The following GCNT1 variants were observed in gnomAD, a reference collection of about 807,000 sequenced individuals.
GCNT1 encodes the protein beta-1,3-galactosyl-O-glycosyl-glycoprotein beta-1,6-N-acetylglucosaminyltransferase.
In GCNT1, 16 loss-of-function variants were observed where a neutral mutation model predicts 26.2. The observed-to-expected ratio is 0.61, with a 90% confidence interval of 0.41 to 0.93. GCNT1 has a LOEUF of 0.93. Among genes scored for constraint, GCNT1 ranks in the 40% least tolerant of loss-of-function variants. The pLI, the probability that GCNT1 is intolerant of heterozygous loss-of-function variation, is 0.00. For synonymous variants in GCNT1, 183 were observed against 190.8 expected (o/e 0.96, Z 0.34); for missense variants, 477 against 526.7 (o/e 0.91, Z 0.92).
chr9:76,413,672 T>G, the GCNT1 span, among the ~76,000 whole-genome samples: 6 of 70,682 alleles, frequency 8.5e-5, no homozygotes, highest in East Asian at 4.1e-4. Context: ...TTTTTTGTTT[T>G]TTTTTTTTTT....
At chr9:76,405,288 A>AACACACACACAC in the GCNT1 span, among the ~76,000 whole-genome samples, 1,326 of 149,740 alleles carry the variant, frequency 8.9e-3, 13 homozygotes, top group Admixed American at 0.014. Context: ...CCTGACCTTC[A>AACACACACACAC]ACACACACAC....
At chr9:76,457,404 G>A (rs560658831), upstream of GCNT1, among the ~76,000 whole-genome samples, 17 of 152,096 alleles carry the variant, frequency 1.1e-4, no homozygotes, top group South Asian at 3.3e-3. Context: ...ACACGCCACC[G>A]CAGCTGGCTA....
chr9:76,490,668 A>G (rs1376495235), intron 2 of GCNT1, among the ~76,000 whole-genome samples: 1 of 152,240 alleles, frequency 6.6e-6, no homozygotes, highest in Admixed American at 6.5e-5. Context: ...ATTGGTATAG[A>G]TGGCTCCTTC....
chr9:76,471,429 A>T (rs1254356997), intron 2 of GCNT1, among the ~76,000 whole-genome samples: 1 of 152,138 alleles, frequency 6.6e-6, no homozygotes, highest in Non-Finnish European at 1.5e-5. Flanking sequence ...GCTCCCAGGA[A>T]TGTGCTCCTG....
the GCNT1 span, among the ~76,000 whole-genome samples, chr9:76,395,265 A>G: frequency 6.6e-6 from 1 of 150,998 alleles, no homozygotes; most frequent in Non-Finnish European, 1.5e-5. Flanking sequence ...TCGAAGACAA[A>G]GAAGTTTTTT....
chr9:76,463,977 CTTGAGGCCAGGACT>C (rs1823937549), intron 2 of GCNT1, among the ~76,000 whole-genome samples: 2 of 151,326 alleles, frequency 1.3e-5, no homozygotes, highest in South Asian at 4.2e-4. Context: ...GGGAGAATCG[CTTGAGGCCAGGACT>C]TTGAGACCAG....
chr9:76,478,253 C>T (rs1339477993), intron 2 of GCNT1, among the ~76,000 whole-genome samples: 4 of 152,202 alleles, frequency 2.6e-5, no homozygotes, highest in Non-Finnish European at 5.9e-5. Context: ...TTTGCGTCCG[C>T]ACTACCTTTA....
At chr9:76,434,494 C>T (rs530770174) in intron 1 of GCNT1, among the ~76,000 whole-genome samples, 15 of 152,264 alleles carry the variant, frequency 9.9e-5, no homozygotes, top group South Asian at 8.3e-4. Flanking sequence ...TTGTAAGCTG[C>T]GGATGTATGT....
chr9:76,464,995 A>T (rs1388277621), intron 2 of GCNT1, among the ~76,000 whole-genome samples: 2 of 151,590 alleles, frequency 1.3e-5, no homozygotes, highest in African/African-American at 4.8e-5. Context: ...TTTGTTTTTG[A>T]GACAGTCTTG....
At chr9:76,396,495 AAAAG>A in the GCNT1 span, among the ~76,000 whole-genome samples, 1 of 152,120 alleles carries the variant, frequency 6.6e-6, no homozygotes, top group Non-Finnish European at 1.5e-5. Context: ...AACAAGAAAA[AAAAG>A]AAGAAAGGGG....
At chr9:76,399,706 C>T in the GCNT1 span, 2 of 626,092 alleles carry the variant, frequency 3.2e-6, no homozygotes, top group East Asian at 2.7e-5. Context: ...ACCCCTACTC[C>T]CACTGAATGC....
At chr9:76,414,612 G>A in the GCNT1 span, among the ~76,000 whole-genome samples, 1 of 152,212 alleles carries the variant, frequency 6.6e-6, no homozygotes, top group African/African-American at 2.4e-5. Context: ...AAAGGATGAA[G>A]AGTTTCAGAA....
rs1825253935 is a variant in GCNT1, at chr9:76,506,932, C to G, written c.*3264C>G. On this transcript the variant is annotated 3_prime_UTR_variant, in exon 4 of 4. Transcript: ENST00000376730. ...TAATTTCTCATATTAAATACAGACG[C>G]TCCTCAACTTATGATGTGGGTAGGT... 6.0e-6 allele frequency: 1 copy of G among 167,010 alleles called. No individual in the cohort carries two copies. 10.3% of individuals were successfully genotyped at this position (167,010 alleles called of 1,614,324 possible). A position where few individuals can be genotyped will look rare whatever the true frequency, so the allele number is the denominator to read the frequency against.
chr9:76,471,716 G>A (rs1824136862), intron 2 of GCNT1, among the ~76,000 whole-genome samples: 1 of 152,180 alleles, frequency 6.6e-6, no homozygotes, highest in Non-Finnish European at 1.5e-5. Flanking sequence ...TGTCCTCTGT[G>A]CTGTATTCTC....
rs762492820 is a variant in GCNT1, at chr9:76,460,045, CT to C, written c.-407-11del. The C allele has an allele frequency of 6.6e-6, 1 of 152,210 alleles. No individual in the cohort carries two copies. Among genetic ancestry groups the C allele is most frequent in the Admixed American group, 6.5e-5 (1 of 15,280 alleles). The allele number at this position is 152,210 out of a possible 1,614,324, so 9.4% of individuals were successfully genotyped here. A position where few individuals can be genotyped will look rare whatever the true frequency, so the allele number is the denominator to read the frequency against. ...TGGAAGAAGCCCTTGCTCACTGCTT[CT>C]TTTCTCCTGGCAGCGCTTTCTGCGC... On this transcript the variant is annotated splice_polypyrimidine_tract_variant and intron_variant, in intron 1 of 3. Transcript: ENST00000376730.
At chr9:76,467,523 A>G (rs566262312) in intron 2 of GCNT1, among the ~76,000 whole-genome samples, 5 of 152,084 alleles carry the variant, frequency 3.3e-5, no homozygotes, top group East Asian at 1.9e-4. Context: ...GTCAAACTCT[A>G]TATCAATTCC....
chr9:76,403,363 T>C, the GCNT1 span, among the ~76,000 whole-genome samples: 12 of 152,212 alleles, frequency 7.9e-5, no homozygotes, highest in African/African-American at 2.9e-4. Flanking sequence ...TGTTTTTGCA[T>C]TGAGCAAAAA....
intron 2 of GCNT1, among the ~76,000 whole-genome samples, chr9:76,485,840 C>T (rs1376930008): frequency 6.6e-6 from 1 of 151,992 alleles, no homozygotes; most frequent in African/African-American, 2.4e-5. Context: ...TCAAGTGATT[C>T]TCCTGCCTCA....
At chr9:76,454,875 G>A (rs1482340503), upstream of GCNT1, among the ~76,000 whole-genome samples, 68 of 123,492 alleles carry the variant, frequency 5.5e-4, no homozygotes, top group Non-Finnish European at 7.4e-4. Context: ...GTTAGACAGA[G>A]TCTCACTCTG....
Sources: gnomAD v4.1 joint callset for allele counts (sites outside exome capture counted in the v4.1 genomes callset) on GRCh38, gnomAD v4.1.1 for gene constraint, MANE v1.5 for transcripts, NCBI Gene and HGNC (gene_info 2026-07-23, HGNC 2026-07-21) for gene names.